Variants in NPM2 observed in about 807,000 individuals in gnomAD.
The protein encoded by NPM2 is nucleophosmin/nucleoplasmin 2, also known as nucleoplasmin-2.
Under a neutral mutation model 32.0 loss-of-function variants are expected in NPM2, and 25 were observed. The observed-to-expected ratio is 0.78, with a 90% CI of 0.57 to 1.09. The LOEUF is 1.09. NPM2 is among the 50% of genes least tolerant of loss of function. The pLI is 0.00. For synonymous variants in NPM2, 111 were observed against 94.2 expected, an observed-to-expected ratio of 1.18 and a Z score of -1.04; for missense variants, 282 against 259.9, an observed-to-expected ratio of 1.08 and a Z score of -0.58.
Position 22,025,773 on chromosome 8 carries a change from G to C in NPM2, c.270+1G>C. On this transcript the variant is annotated splice_donor_variant, in intron 5 of 9. Coordinates refer to ENST00000518119, the MANE Select transcript of NPM2 (RefSeq NM_001286680.2). LOFTEE classifies it high-confidence loss of function. ...ACTCCAGGCCTCAGTCCTCCCCATG[G>C]TGCGCATTTCCCTGCTGGCTGGAAG... The C allele has an allele frequency of 1.2e-6, 2 of 1,613,960 alleles. No homozygotes were observed. Among genetic ancestry groups the C allele is most frequent in the Non-Finnish European group, 1.7e-6 (2 of 1,180,000 alleles).
chr8:22,034,032 G>A, intron 6 of NPM2, 77 bp from the exon 7 acceptor site: 2 of 1,528,438 alleles, frequency 1.3e-6, no homozygotes, highest in South Asian at 1.3e-5. Flanking sequence ...GAGCAACACG[G>A]ATCACAGAAT....
chr8:22,032,508 C>G (rs75330645), intron 5 of NPM2, among the ~76,000 whole-genome samples: 1 of 152,110 alleles, frequency 6.6e-6, no homozygotes, highest in South Asian at 2.1e-4. Flanking sequence ...CTCGTTTGAT[C>G]GGTGTCTCAG....
intron 5 of NPM2, among the ~76,000 whole-genome samples, chr8:22,031,688 C>T (rs113844143): frequency 0.025 from 3,732 of 152,234 alleles, 157 homozygotes; most frequent in African/African-American, 0.086. Context: ...TCAAGTTATC[C>T]GCCTGCCTTG....
rs757770037 is a variant in NPM2, at chr8:22,036,638, G to A, written c.601G>A (p.Ala201Thr). The stretch of plus-strand genomic sequence containing the variant: ...CTGGAGCCCTGCCTTCCCTCCACAG[G>A]CCAAAGCCACAGCCAGAGCCAAGAA... ...SVRDKSPVKK[A>T]KATARAKKPG... is the part of the protein sequence containing the mutation. Residue 201 changes from alanine to threonine, a missense_variant and splice_region_variant, in exon 10 of 10, where the codon GCC (alanine) becomes ACC (threonine). Physicochemically the swap from Ala to Thr is moderately conservative, Grantham distance 58 (BLOSUM62 0). Coordinates refer to ENST00000518119, the MANE Select transcript of NPM2 (RefSeq NM_001286680.2). The A allele has an allele frequency of 7.7e-6, 12 of 1,550,808 alleles. No homozygotes were observed. In the African/African-American group the frequency reaches 1.6e-4, roughly 21 times the overall value.
chr8:22,033,213 G>A lies in NPM2; in HGVS notation c.354G>A (p.Gln118=). The A allele has an allele frequency of 6.2e-7, 1 of 1,613,914 alleles. No individual in the cohort carries two copies. The highest frequency in any genetic ancestry group is 8.5e-7 in the Non-Finnish European group (1 of 1,179,822). Reference sequence around the variant, plus strand: ...CAGGACCCGTGTTCCTCAGTGGCCAGGAACGTTATGGTAAGTCAGAGCCTG... The same window carrying A: ...CAGGACCCGTGTTCCTCAGTGGCCAAGAACGTTATGGTAAGTCAGAGCCTG... ...AGSGPVFLSG[Q]ERYEASDLTW... Residue 118 remains glutamine, a synonymous_variant, in exon 6 of 10, where the codon CAG becomes CAA. Coordinates refer to ENST00000518119, the MANE Select transcript of NPM2 (RefSeq NM_001286680.2).
chr8:22,025,852 G>A, intron 5 of NPM2, 80 bp downstream of exon 5: 1 of 1,590,412 alleles, frequency 6.3e-7, no homozygotes, highest in Non-Finnish European at 8.6e-7. Context: ...ACACGAGGGT[G>A]CATTCACCCT....
rs981155700 is a variant in NPM2, at chr8:22,029,204, A to C, written c.270+3432A>C. Among the ~76,000 whole-genome samples the C allele has an allele frequency of 3.9e-5, 6 of 152,198 alleles. No individual in the cohort carries two copies. The East Asian group carries it at 5.8e-4, about 15-fold the overall frequency. On this transcript the variant is annotated intron_variant, in intron 5 of 9. Coordinates refer to ENST00000518119, the MANE Select transcript of NPM2 (RefSeq NM_001286680.2). ...TTCCCAGGCTAGAGTGCAGTGGTGC[A>C]ATCTTGACTCACTGCAACCTCTGCT... is the stretch of plus-strand genomic sequence containing the variant.
chr8:22,026,777 T>C (rs1800271850), intron 5 of NPM2, among the ~76,000 whole-genome samples: 1 of 151,984 alleles, frequency 6.6e-6, no homozygotes, highest in South Asian at 2.1e-4. Flanking sequence ...TTCTTTCTTT[T>C]AATCCTACTG....
At chr8:22,035,665 G>A (rs945827689) in intron 8 of NPM2, among the ~76,000 whole-genome samples, 2 of 152,158 alleles carry the variant, frequency 1.3e-5, no homozygotes, top group Admixed American at 6.5e-5. Flanking sequence ...CGGGTACGGT[G>A]GCTCACGCCT....
intron 5 of NPM2, among the ~76,000 whole-genome samples, chr8:22,032,805 C>A (rs1346431330): frequency 6.6e-6 from 1 of 152,090 alleles, no homozygotes; most frequent in African/African-American, 2.4e-5. Context: ...AATGACCTCC[C>A]AAGGCCTGCA....
Position 22,028,796 on chromosome 8 carries a change from C to G in NPM2, c.270+3024C>G, listed in dbSNP as rs536380895. On this transcript the variant is annotated intron_variant, in intron 5 of 9. Coordinates refer to ENST00000518119, the MANE Select transcript of NPM2 (RefSeq NM_001286680.2). ...TCTCTGTTTCAGGTGTGTTTTATGT[C>G]TTATGTTCCAGGTATGTATCTTTTA... Among the ~76,000 whole-genome samples, 12 of 152,202 alleles carry G rather than the reference C, an allele frequency of 7.9e-5. No homozygotes were observed. In the South Asian group the frequency reaches 2.5e-3, roughly 32 times the overall value.
chr8:22,028,021 A>G (rs1293754062), intron 5 of NPM2, among the ~76,000 whole-genome samples: 3 of 152,212 alleles, frequency 2.0e-5, no homozygotes, highest in Non-Finnish European at 2.9e-5. Flanking sequence ...CCCCTGGTAC[A>G]GGTGACAGTT....
intron 8 of NPM2, among the ~76,000 whole-genome samples, chr8:22,035,658 G>C (rs1800594532): frequency 6.6e-6 from 1 of 152,176 alleles, no homozygotes; most frequent in South Asian, 2.1e-4. Flanking sequence ...ACCAGGCCGG[G>C]TACGGTGGCT....
rs762546392 is a variant in NPM2 at position 22,034,278 on chromosome 8, G to A, written c.531+3G>A. The A allele has an allele frequency of 6.3e-7, 1 of 1,581,394 alleles. No individual in the cohort carries two copies. The highest frequency in any genetic ancestry group is 8.6e-7 in the Non-Finnish European group (1 of 1,164,198). On this transcript the variant is annotated splice_donor_region_variant and intron_variant, in intron 7 of 9. Coordinates refer to ENST00000518119, the MANE Select transcript of NPM2 (RefSeq NM_001286680.2). The stretch of plus-strand genomic sequence containing the variant: ...AGAAGCAGGCGAGCGTGGCTAAGGT[G>A]GGGGAAGGAGCGTGGCTGTTTGGAA...
chr8:22,034,902 G>T (rs2117467386), intron 8 of NPM2, among the ~76,000 whole-genome samples: 1 of 152,330 alleles, frequency 6.6e-6, no homozygotes, highest in Middle Eastern at 3.4e-3. Context: ...GAGGTCAGGA[G>T]CTCGAGACTA....
At chr8:22,025,153 G>A (rs1300096697) in intron 2 of NPM2, 63 bp from the exon 3 acceptor site, 1 of 1,395,548 alleles carries the variant, frequency 7.2e-7, no homozygotes, top group African/African-American at 1.5e-5. Flanking sequence ...GCTGGTCTCT[G>A]GCATCCTCCA....
At chr8:22,031,192 A>G (rs1800428172) in intron 5 of NPM2, among the ~76,000 whole-genome samples, 1 of 152,020 alleles carries the variant, frequency 6.6e-6, no homozygotes, top group Non-Finnish European at 1.5e-5. Flanking sequence ...CTCACTGGAG[A>G]CTTCTTTTAT....
At chr8:22,036,293 A>G in intron 8 of NPM2, 200 bp from the exon 9 acceptor site, 2 of 547,794 alleles carry the variant, frequency 3.7e-6, no homozygotes, top group East Asian at 6.2e-5. Flanking sequence ...CTAAATGAAG[A>G]TGGAAGCCTA....
Position 22,025,294 on chromosome 8 carries a change from AC to A in NPM2, c.48del (p.Val17CysfsTer78). On this transcript the variant is annotated frameshift_variant, in exon 3 of 10. Transcript: ENST00000518119. LOFTEE classifies it high-confidence loss of function. ...TAGCACGGAGGAAAAGGCAGTGACG[AC>A]CGTGCTCTGGGGTGAGTGGGGACTC... is the stretch of plus-strand genomic sequence containing the variant. ...ASSTEEKAVT[T>X]VLWGCELSQE... is the part of the protein sequence containing the mutation. The A allele has an allele frequency of 6.2e-7, 1 of 1,610,332 alleles. No homozygotes were observed. The highest frequency in any genetic ancestry group is 8.5e-7 in the Non-Finnish European group (1 of 1,178,722).
Sources: gnomAD v4.1 joint callset for allele counts (sites outside exome capture counted in the v4.1 genomes callset) on GRCh38, gnomAD v4.1.1 for gene constraint, MANE v1.5 for transcripts, NCBI Gene and HGNC (gene_info 2026-07-23, HGNC 2026-07-21) for gene names.